Variants in KLF13 observed in about 807,000 individuals in gnomAD.
KLF13 encodes the protein Krueppel-like factor 13.
A neutral mutation model predicts 16.7 loss-of-function variants in KLF13; 8 were observed. The observed-to-expected ratio is 0.48, with a 90% CI of 0.28 to 0.87. The LOEUF is 0.87. Ranked by LOEUF, KLF13 falls within the 40% of genes least tolerant of loss-of-function variation. The probability of loss-of-function intolerance (pLI) is 0.10; values close to 1 mark genes in which losing one functional copy is unlikely to be tolerated. For missense variants in KLF13, 447 were observed against 452.2 expected (o/e 0.99, Z 0.10); for synonymous variants, 245 against 208.4 (o/e 1.18, Z -1.51).
chr15:31,359,708 G>A (rs2039351914), intron 1 of KLF13, among the ~76,000 whole-genome samples: 1 of 152,176 alleles, frequency 6.6e-6, no homozygotes, highest in Non-Finnish European at 1.5e-5. Flanking sequence ...TTGAGGGTGG[G>A]GCTCAGCCAC....
intron 1 of KLF13, among the ~76,000 whole-genome samples, chr15:31,415,112 A>G (rs779390713): frequency 2.0e-5 from 3 of 151,984 alleles, no homozygotes; most frequent in African/African-American, 4.8e-5. Context: ...TTGCCATGTG[A>G]TCTCTGTACA....
At chr15:31,383,656 T>G (rs1028533255) in intron 1 of KLF13, among the ~76,000 whole-genome samples, 1 of 152,218 alleles carries the variant, frequency 6.6e-6, no homozygotes, top group Non-Finnish European at 1.5e-5. Flanking sequence ...ATCCCAGCAC[T>G]TTGGGAGGCC....
chr15:31,430,565 G>C (rs2040459750), intron 1 of KLF13, among the ~76,000 whole-genome samples: 1 of 152,166 alleles, frequency 6.6e-6, no homozygotes, highest in South Asian at 2.1e-4. Context: ...CCACTTCCAT[G>C]ATAATGGCAC....
chr15:31,396,469 G>A (rs570092521), intron 2 of KLF13, among the ~76,000 whole-genome samples: 26 of 152,274 alleles, frequency 1.7e-4, no homozygotes, highest in Admixed American at 4.6e-4. Context: ...GGGTTTTTAA[G>A]GATAATTTGG....
At chr15:31,332,332 A>G (rs943846186) in intron 1 of KLF13, among the ~76,000 whole-genome samples, 3 of 152,246 alleles carry the variant, frequency 2.0e-5, no homozygotes, top group African/African-American at 4.8e-5. Context: ...TGCATGTGTG[A>G]GAACATTGAG....
At chr15:31,382,869 G>A (rs377093613), downstream of KLF13, among the ~76,000 whole-genome samples, 4 of 152,310 alleles carry the variant, frequency 2.6e-5, no homozygotes, top group African/African-American at 9.6e-5. Flanking sequence ...AAGTCGTGAC[G>A]GGCGTTGCCC....
intron 2 of KLF13, among the ~76,000 whole-genome samples, chr15:31,400,994 T>C (rs996808654): frequency 1.3e-5 from 2 of 150,510 alleles, no homozygotes; most frequent in Non-Finnish European, 3.0e-5. Flanking sequence ...GTCCCGTCGA[T>C]AGATAAATAA....
upstream of KLF13, among the ~76,000 whole-genome samples, chr15:31,389,851 C>T (rs1371961986): frequency 1.3e-5 from 2 of 152,140 alleles, no homozygotes; most frequent in African/African-American, 2.4e-5. Flanking sequence ...ACATTTCTTT[C>T]TCTATGGGCC....
At chr15:31,381,663 T>A (rs911906232), downstream of KLF13, among the ~76,000 whole-genome samples, 11 of 152,312 alleles carry the variant, frequency 7.2e-5, no homozygotes, top group East Asian at 2.1e-3. Flanking sequence ...GGAGCCTGCA[T>A]CCCACTCTCC....
chr15:31,433,884 G>A (rs932528657), intron 1 of KLF13, among the ~76,000 whole-genome samples: 1 of 152,230 alleles, frequency 6.6e-6, no homozygotes. Context: ...TGCAAAAGGT[G>A]TGGTTTGCCT....
chr15:31,328,314 C>G (rs1471866334), intron 1 of KLF13, among the ~76,000 whole-genome samples: 1 of 151,910 alleles, frequency 6.6e-6, no homozygotes, highest in Non-Finnish European at 1.5e-5. Flanking sequence ...TCCTTCGCCA[C>G]TCGGCACATT....
intron 2 of KLF13, among the ~76,000 whole-genome samples, chr15:31,397,880 G>GGGT (rs71896588): frequency 0.11 from 16,354 of 145,980 alleles, 2,192 homozygotes; most frequent in African/African-American, 0.33. Flanking sequence ...GCGGCGGGGG[G>GGGT]GGTGGTGATC....
Position 31,335,246 on chromosome 15 carries a change from G to A in KLF13, c.577+7457G>A, listed in dbSNP as rs942468268. Among the ~76,000 whole-genome samples, 30 of 152,280 alleles carry A rather than the reference G, an allele frequency of 2.0e-4. No homozygotes were observed. The East Asian group carries it at 2.1e-3, about 11-fold the overall frequency. On this transcript the variant is annotated intron_variant, in intron 1 of 1. Coordinates refer to ENST00000307145, the MANE Select transcript of KLF13 (RefSeq NM_015995.4). ...ATGTTACCAGCTGTTTGTGAGGCAGGCTTTTGGGGGAGACATGAAGTTTGT... is the reference window on the plus strand; with the variant it reads ...ATGTTACCAGCTGTTTGTGAGGCAGACTTTTGGGGGAGACATGAAGTTTGT...
intron 1 of KLF13, among the ~76,000 whole-genome samples, chr15:31,330,352 C>T (rs918796847): frequency 4.6e-5 from 7 of 152,188 alleles, no homozygotes; most frequent in African/African-American, 1.4e-4. Flanking sequence ...CGCCCCACTT[C>T]CCGCATTTCC....
At chr15:31,343,985 G>A (rs1005888328) in intron 1 of KLF13, among the ~76,000 whole-genome samples, 6 of 152,204 alleles carry the variant, frequency 3.9e-5, no homozygotes, top group South Asian at 2.1e-4. Context: ...GGAGAGCCAC[G>A]CATTGCAAGT....
chr15:31,370,148 C>T (rs2039536261), intron 1 of KLF13, among the ~76,000 whole-genome samples: 2 of 139,582 alleles, frequency 1.4e-5, no homozygotes, highest in African/African-American at 5.4e-5. Flanking sequence ...TTGTAATTGT[C>T]GTGTATTTGG....
At chr15:31,390,091 A>AATG (rs2140981835), upstream of KLF13, among the ~76,000 whole-genome samples, 1 of 152,198 alleles carries the variant, frequency 6.6e-6, no homozygotes, top group East Asian at 1.9e-4. Flanking sequence ...ACAGAATAAT[A>AATG]ATGTGCCTTT....
At chr15:31,412,852 A>G (rs1407621234) in intron 1 of KLF13, among the ~76,000 whole-genome samples, 1 of 152,214 alleles carries the variant, frequency 6.6e-6, no homozygotes, top group Non-Finnish European at 1.5e-5. Flanking sequence ...GGCATCTGAA[A>G]GGAGATTCAT....
At chr15:31,361,404 T>G in intron 1 of KLF13, among the ~76,000 whole-genome samples, 1 of 152,190 alleles carries the variant, frequency 6.6e-6, no homozygotes, top group East Asian at 1.9e-4. Context: ...CTTTCCTGTC[T>G]TCCGGGTTGG....
Sources: gnomAD v4.1 joint callset for allele counts (sites outside exome capture counted in the v4.1 genomes callset) on GRCh38, gnomAD v4.1.1 for gene constraint, MANE v1.5 for transcripts, NCBI Gene and HGNC (gene_info 2026-07-23, HGNC 2026-07-21) for gene names.